The following FBXO34 variants were observed in gnomAD, a reference collection of about 807,000 sequenced individuals.
FBXO34 encodes the protein F-box only protein 34.
A neutral mutation model predicts 24.5 loss-of-function variants in FBXO34; 12 were observed. The ratio of observed to expected loss-of-function variants is 0.49; its 90% CI spans 0.31 to 0.79. FBXO34 has a LOEUF of 0.79. FBXO34 is among the 30% of genes least tolerant of loss of function. FBXO34 has a pLI of 0.04. For synonymous variants in FBXO34, 320 were observed against 311.9 expected, an observed-to-expected ratio of 1.03 and a Z score of -0.27; for missense variants, 823 against 857.7, an observed-to-expected ratio of 0.96 and a Z score of 0.51.
At chr14:55,378,001 A>G in the FBXO34 span, 3 of 1,611,024 alleles carry the variant, frequency 1.9e-6, no homozygotes, top group African/African-American at 4.0e-5. Flanking sequence ...AAACAAAGGT[A>G]AAGAATATTT....
At chr14:55,291,236 T>A (rs1372106295) in intron 1 of FBXO34, among the ~76,000 whole-genome samples, 1 of 152,212 alleles carries the variant, frequency 6.6e-6, no homozygotes, top group Non-Finnish European at 1.5e-5. Context: ...ACACAGTTTT[T>A]GTATTTGCTA....
chr14:55,299,178 C>T (rs2139702299), intron 1 of FBXO34: 1 of 1,019,096 alleles, frequency 9.8e-7, no homozygotes, highest in African/African-American at 1.6e-5. Flanking sequence ...AACAGTCCCT[C>T]TACCAAATGT....
chr14:55,405,891 G>A, the FBXO34 span, among the ~76,000 whole-genome samples: 1 of 151,910 alleles, frequency 6.6e-6, no homozygotes, highest in Non-Finnish European at 1.5e-5. Flanking sequence ...TGGGGTGGCG[G>A]GGGGGGCAGG....
chr14:55,435,934 C>T, the FBXO34 span: 4 of 1,558,696 alleles, frequency 2.6e-6, no homozygotes, highest in Non-Finnish European at 3.5e-6. Context: ...AAACTATATT[C>T]CTGAAGAAAT....
At chr14:55,337,461 C>T (rs995458814) in intron 1 of FBXO34, among the ~76,000 whole-genome samples, 2 of 152,182 alleles carry the variant, frequency 1.3e-5, no homozygotes. Flanking sequence ...CGTCCTCAGG[C>T]CTCCGCTCAA....
At chr14:55,307,730 A>C (rs1255649203) in intron 1 of FBXO34, among the ~76,000 whole-genome samples, 1 of 152,228 alleles carries the variant, frequency 6.6e-6, no homozygotes, top group Non-Finnish European at 1.5e-5. Context: ...ATAATGCAGA[A>C]ATTAGAAAAG....
chr14:55,353,617 G>GTT (rs1056774235), downstream of FBXO34: 3 of 167,070 alleles, frequency 1.8e-5, no homozygotes, highest in African/African-American at 7.2e-5. Flanking sequence ...TGGAACCCAA[G>GTT]TTTTGCAAAG....
the FBXO34 span, among the ~76,000 whole-genome samples, chr14:55,437,506 A>G: frequency 2.6e-4 from 39 of 152,200 alleles, no homozygotes; most frequent in African/African-American, 9.4e-4. Flanking sequence ...GTTACAGCAC[A>G]CTTAATGGAA....
intron 1 of FBXO34, among the ~76,000 whole-genome samples, chr14:55,311,305 T>C (rs1245773469): frequency 1.3e-5 from 2 of 152,196 alleles, no homozygotes; most frequent in Non-Finnish European, 2.9e-5. Context: ...CCATGATTGT[T>C]ACTTCCACCT....
the FBXO34 span, among the ~76,000 whole-genome samples, chr14:55,425,950 A>G: frequency 6.6e-6 from 1 of 152,210 alleles, no homozygotes; most frequent in Non-Finnish European, 1.5e-5. Context: ...GCAAGTATTT[A>G]TATCAGGATA....
downstream of FBXO34, chr14:55,366,391 T>TA (rs1884679538): frequency 6.6e-6 from 1 of 152,628 alleles, no homozygotes; most frequent in African/African-American, 2.4e-5. Context: ...ATGAGCAAAG[T>TA]ACTGTTAAAA....
chr14:55,424,925 C>G, the FBXO34 span, among the ~76,000 whole-genome samples: 2 of 152,090 alleles, frequency 1.3e-5, no homozygotes, highest in African/African-American at 4.8e-5. Context: ...GCTTGAGGAA[C>G]CTACCAAAAA....
chr14:55,409,056 T>C, the FBXO34 span, among the ~76,000 whole-genome samples: 2 of 152,108 alleles, frequency 1.3e-5, 1 homozygote, highest in African/African-American at 4.8e-5. Context: ...TAAGGAAGAG[T>C]TGTCTGACTA....
At chr14:55,389,853 T>G in the FBXO34 span, among the ~76,000 whole-genome samples, 2 of 152,312 alleles carry the variant, frequency 1.3e-5, no homozygotes, top group East Asian at 3.9e-4. Context: ...CTTAAGGATG[T>G]AGGACTTCTA....
At chr14:55,311,808 A>G (rs1175661593) in intron 1 of FBXO34, among the ~76,000 whole-genome samples, 2 of 150,106 alleles carry the variant, frequency 1.3e-5, no homozygotes, top group East Asian at 2.0e-4. Flanking sequence ...GCTCACTGCA[A>G]CCTCCACCTC....
chr14:55,375,129 G>A, the FBXO34 span, among the ~76,000 whole-genome samples: 4 of 151,966 alleles, frequency 2.6e-5, no homozygotes, highest in African/African-American at 9.7e-5. Flanking sequence ...CTCCTCATAC[G>A]GTGTGTAGAG....
At chr14:55,411,768 G>A in the FBXO34 span, 6 of 1,605,762 alleles carry the variant, frequency 3.7e-6, no homozygotes, top group South Asian at 3.3e-5. Flanking sequence ...AGCGGCCGGG[G>A]CCCGCAGCCA....
chr14:55,299,036 G>A, intron 1 of FBXO34: 1 of 1,604,908 alleles, frequency 6.2e-7, no homozygotes, highest in South Asian at 1.1e-5. Flanking sequence ...AACTTGGGGA[G>A]GAGATTTCAA....
At chr14:55,414,723 T>C in the FBXO34 span, among the ~76,000 whole-genome samples, 1 of 152,206 alleles carries the variant, frequency 6.6e-6, no homozygotes, top group Admixed American at 6.5e-5. Context: ...TGGAATGTTA[T>C]CTCTACATGT....
Sources: gnomAD v4.1 joint callset for allele counts (sites outside exome capture counted in the v4.1 genomes callset) on GRCh38, gnomAD v4.1.1 for gene constraint, MANE v1.5 for transcripts, NCBI Gene and HGNC (gene_info 2026-07-23, HGNC 2026-07-21) for gene names.